Variants in SLC16A10 observed in about 807,000 individuals in gnomAD.
SLC16A10 encodes the protein monocarboxylate transporter 10.
SLC16A10 carries 27 observed loss-of-function variants against 40.0 expected under a neutral mutation model. The observed-to-expected ratio is 0.67, with a 90% CI of 0.50 to 0.93. The LOEUF (loss-of-function observed/expected upper bound fraction) is 0.93. SLC16A10 is among the 40% of genes least tolerant of loss of function. SLC16A10 has a pLI of 0.00. For missense variants in SLC16A10, 529 were observed against 658.2 expected (o/e 0.80, Z 2.15); for synonymous variants, 213 against 249.8 (o/e 0.85, Z 1.39).
At chr6:111,216,160 A>G (rs1773417307) in intron 4 of SLC16A10, among the ~76,000 whole-genome samples, 1 of 152,182 alleles carries the variant, frequency 6.6e-6, no homozygotes, top group Non-Finnish European at 1.5e-5. Context: ...TACTTGCTCA[A>G]GGTCATAGAG....
chr6:111,143,539 T>A (rs1426526127), intron 1 of SLC16A10, among the ~76,000 whole-genome samples: 3 of 152,072 alleles, frequency 2.0e-5, no homozygotes. Flanking sequence ...AGCCTTGCAA[T>A]GTGGCCCATG....
intron 1 of SLC16A10, among the ~76,000 whole-genome samples, chr6:111,147,577 T>C (rs1469073680): frequency 1.3e-5 from 2 of 152,190 alleles, no homozygotes; most frequent in African/African-American, 4.8e-5. Flanking sequence ...CATTCAGCAC[T>C]ATTTGGAAAT....
Position 111,231,032 on chromosome 6 carries a change from A to T in SLC16A10, c.*8797A>T, listed in dbSNP as rs918016847. 56 of 152,290 alleles carry T rather than the reference A, an allele frequency of 3.7e-4. No individual in the cohort carries two copies. The highest frequency in any genetic ancestry group is 1.3e-3 in the African/African-American group (53 of 41,556). 9.4% of individuals were successfully genotyped at this position (152,290 alleles called of 1,614,324 possible). On this transcript the variant is annotated 3_prime_UTR_variant, in exon 6 of 6. Coordinates refer to ENST00000368851, the MANE Select transcript of SLC16A10 (RefSeq NM_018593.5). Reference sequence around the variant, plus strand: ...TTTAAAAAATGTATGCTTCTTTTTGAAGACTATAATTTACAATTTTTTTAA... The same window carrying T: ...TTTAAAAAATGTATGCTTCTTTTTGTAGACTATAATTTACAATTTTTTTAA...
intron 1 of SLC16A10, among the ~76,000 whole-genome samples, chr6:111,091,004 A>G (rs1374860808): frequency 1.3e-5 from 2 of 152,136 alleles, no homozygotes; most frequent in African/African-American, 2.4e-5. Context: ...GATGGTGCGC[A>G]TTTCTTGAGT....
At chr6:111,148,350 T>G (rs1772115291) in intron 1 of SLC16A10, among the ~76,000 whole-genome samples, 1 of 152,220 alleles carries the variant, frequency 6.6e-6, no homozygotes, top group Admixed American at 6.5e-5. Flanking sequence ...TAATGTTCTT[T>G]CTTATCTCTT....
chr6:111,177,729 G>C, intron 3 of SLC16A10, 64 bp downstream of exon 3: 2 of 1,408,698 alleles, frequency 1.4e-6, no homozygotes, highest in Non-Finnish European at 1.9e-6. Context: ...TCTTTGAAGA[G>C]AAAGTTAGGT....
Position 111,088,002 on chromosome 6 carries a change from G to T in SLC16A10, c.250G>T (p.Val84Leu). 1 of 1,611,218 alleles carries T rather than the reference G, an allele frequency of 6.2e-7. No individual in the cohort carries two copies. Among genetic ancestry groups the T allele is most frequent in the Non-Finnish European group, 8.5e-7 (1 of 1,178,818 alleles). The change falls in exon 1 of 6, where the codon GTG becomes TTG. Residue 84 changes from valine (V) to leucine (L), a missense_variant. By Grantham distance (32) the Val-to-Leu change is conservative. Transcript: ENST00000368851. ...MLAAMWCNGSVFGIQNACGVL... is the reference protein window; with the variant it reads ...MLAAMWCNGSLFGIQNACGVL... The stretch of plus-strand genomic sequence containing the variant: ...GGCGGCCATGTGGTGCAACGGGTCG[G>T]TGTTCGGCATCCAGAACGCTTGCGG...
intron 3 of SLC16A10, among the ~76,000 whole-genome samples, chr6:111,179,333 A>G (rs1772748084): frequency 6.6e-6 from 1 of 152,232 alleles, no homozygotes; most frequent in Non-Finnish European, 1.5e-5. Context: ...GATAAAATAA[A>G]TATTAGCTCC....
intron 3 of SLC16A10, among the ~76,000 whole-genome samples, chr6:111,194,409 T>C (rs1276171359): frequency 1.3e-5 from 2 of 152,184 alleles, no homozygotes; most frequent in African/African-American, 4.8e-5. Context: ...GTAGTTTCAA[T>C]GTGAAATAAC....
intron 1 of SLC16A10, among the ~76,000 whole-genome samples, chr6:111,167,478 C>G (rs1374109315): frequency 6.6e-6 from 1 of 152,012 alleles, no homozygotes; most frequent in Non-Finnish European, 1.5e-5. Context: ...CTGAGATGAC[C>G]CTGTGGAGAG....
rs1771058954 is a variant in SLC16A10, at chr6:111,229,029, C to CCAA, written c.*6794_*6795insCAA. 8.9e-6 allele frequency: 1 copy of CCAA among 111,920 alleles called. No homozygotes were observed. The highest frequency in any genetic ancestry group is 3.5e-5 in the African/African-American group (1 of 28,594). 6.9% of individuals were successfully genotyped at this position (111,920 alleles called of 1,614,324 possible). A position where few individuals can be genotyped will look rare whatever the true frequency, so the allele number is the denominator to read the frequency against. ...GGGCAACAAGAGCAAAACTCTGTCT[C>CCAA]AAAAAAAAAAAAAAAAAAAATAGTG... On this transcript the variant is annotated 3_prime_UTR_variant, in exon 6 of 6. Transcript: ENST00000368851.
chr6:111,212,232 G>A (rs534100089), intron 4 of SLC16A10, among the ~76,000 whole-genome samples: 29 of 152,272 alleles, frequency 1.9e-4, no homozygotes, highest in African/African-American at 7.0e-4. Flanking sequence ...AGGATTCTTG[G>A]TGGCAGGTTA....
intron 1 of SLC16A10, among the ~76,000 whole-genome samples, chr6:111,128,221 A>G (rs879841092): frequency 3.3e-5 from 5 of 152,176 alleles, no homozygotes; most frequent in Admixed American, 6.5e-5. Flanking sequence ...GTAAACATTT[A>G]TTGAGTGCTT....
rs1772605808 is a variant in SLC16A10 at position 111,172,624 on chromosome 6, A to G, written c.344-71A>G. 6 of 1,552,330 alleles carry G rather than the reference A, an allele frequency of 3.9e-6. No individual in the cohort carries two copies. The South Asian group carries it at 6.0e-5, about 16-fold the overall frequency. ...AATAAAATTTTTCTAAATGTGTATTATATCAATGGAATAAATACAAATATA... is the reference window on the plus strand; with the variant it reads ...AATAAAATTTTTCTAAATGTGTATTGTATCAATGGAATAAATACAAATATA... On this transcript the variant is annotated intron_variant, in intron 1 of 5. Coordinates refer to ENST00000368851, the MANE Select transcript of SLC16A10 (RefSeq NM_018593.5).
At chr6:111,128,726 A>C (rs1405163642) in intron 1 of SLC16A10, among the ~76,000 whole-genome samples, 1 of 152,146 alleles carries the variant, frequency 6.6e-6, no homozygotes, top group Non-Finnish European at 1.5e-5. Context: ...TGCCAGTGAC[A>C]GATTATGATG....
chr6:111,156,270 A>C (rs1488001964), intron 1 of SLC16A10, among the ~76,000 whole-genome samples: 1 of 152,262 alleles, frequency 6.6e-6, no homozygotes, highest in African/African-American at 2.4e-5. Flanking sequence ...GAGGCAGAGC[A>C]TAATTAATTC....
chr6:111,164,039 A>G (rs999704234), intron 1 of SLC16A10, among the ~76,000 whole-genome samples: 13 of 152,210 alleles, frequency 8.5e-5, no homozygotes, highest in African/African-American at 2.9e-4. Context: ...CTTTTATTCT[A>G]ATGTTCAATT....
intron 1 of SLC16A10, among the ~76,000 whole-genome samples, chr6:111,150,631 ACCT>A (rs1449234509): frequency 6.6e-6 from 1 of 152,078 alleles, no homozygotes; most frequent in Non-Finnish European, 1.5e-5. Context: ...GAGAATTTGG[ACCT>A]CCTAATGACA....
At chr6:111,184,282 T>A (rs752585875) in intron 3 of SLC16A10, among the ~76,000 whole-genome samples, 1 of 152,170 alleles carries the variant, frequency 6.6e-6, no homozygotes, top group Non-Finnish European at 1.5e-5. Context: ...ATCTGTAAAA[T>A]ATGTATTCAT....
Sources: gnomAD v4.1 joint callset for allele counts (sites outside exome capture counted in the v4.1 genomes callset) on GRCh38, gnomAD v4.1.1 for gene constraint, MANE v1.5 for transcripts, NCBI Gene and HGNC (gene_info 2026-07-23, HGNC 2026-07-21) for gene names.